Variants in FYB2 observed in about 807,000 individuals in gnomAD.
The protein encoded by FYB2 is FYN binding protein 2, also known as FYN-binding protein 2.
A neutral mutation model predicts 94.1 loss-of-function variants in FYB2; 103 were observed. The ratio of observed to expected loss-of-function variants is 1.09; its 90% confidence interval spans 0.93 to 1.29. The LOEUF (loss-of-function observed/expected upper bound fraction) is 1.29, where lower values mean the gene tolerates loss of function less well. Ranked by LOEUF, FYB2 falls within the 50% of genes most tolerant of loss-of-function variation. FYB2 has a pLI of 0.00. For synonymous variants in FYB2, 293 were observed against 287.9 expected (o/e 1.02, Z -0.18); for missense variants, 896 against 841.5 (o/e 1.06, Z -0.80).
chr1:56,797,628 C>T (rs1646429821), intron 1 of FYB2, among the ~76,000 whole-genome samples: 1 of 152,162 alleles, frequency 6.6e-6, no homozygotes, highest in African/African-American at 2.4e-5. Context: ...GCAGCTGTGG[C>T]AGAGGTTCCT....
intron 5 of FYB2, among the ~76,000 whole-genome samples, chr1:56,762,681 T>G (rs1645527021): frequency 6.6e-6 from 1 of 152,248 alleles, no homozygotes; most frequent in Non-Finnish European, 1.5e-5. Context: ...CATGCCACTG[T>G]GAATAGATAG....
chr1:56,778,782 C>T (rs1424313002), intron 4 of FYB2, among the ~76,000 whole-genome samples: 1 of 152,160 alleles, frequency 6.6e-6, no homozygotes, highest in Non-Finnish European at 1.5e-5. Context: ...CAGCATATAT[C>T]ATTGCCTCAT....
chr1:56,752,875 C>A (rs1645232994), intron 8 of FYB2, among the ~76,000 whole-genome samples: 2 of 152,136 alleles, frequency 1.3e-5, no homozygotes, highest in Non-Finnish European at 2.9e-5. Flanking sequence ...CTCCTGCCCT[C>A]TCATATGCTC....
At chr1:56,721,060 T>C (rs752847537) in intron 17 of FYB2, among the ~76,000 whole-genome samples, 11 of 152,092 alleles carry the variant, frequency 7.2e-5, no homozygotes, top group Admixed American at 3.3e-4. Flanking sequence ...CTGTATCCAG[T>C]TGGGGGCAAT....
Position 56,810,412 on chromosome 1 carries a change from G to A in FYB2, c.9+8870C>T, listed in dbSNP as rs978319743. Among the ~76,000 whole-genome samples, 10 of 151,794 alleles carry A rather than the reference G, an allele frequency of 6.6e-5. 1 individual carries two copies. The highest frequency in any genetic ancestry group is 1.3e-4 in the Non-Finnish European group (9 of 67,988). ...TCCCCTCACTCCCCTGTTTCCCACC[G>A]AGGCAGCTAACAATGCTAGTACAGA... On this transcript the variant is annotated intron_variant, in intron 1 of 19. Coordinates refer to ENST00000343433, the MANE Select transcript of FYB2 (RefSeq NM_001004303.5).
chr1:56,799,981 A>C (rs574201651), intron 1 of FYB2, among the ~76,000 whole-genome samples: 3 of 152,208 alleles, frequency 2.0e-5, no homozygotes, highest in Non-Finnish European at 4.4e-5. Flanking sequence ...CACATTTCCT[A>C]ATTGGAAAAT....
At chr1:56,784,532 A>T (rs180895713) in intron 4 of FYB2, among the ~76,000 whole-genome samples, 1 of 152,186 alleles carries the variant, frequency 6.6e-6, no homozygotes, top group Admixed American at 6.5e-5. Context: ...TACTTGTTCA[A>T]ACTCACTTAT....
chr1:56,764,244 G>A lies in FYB2; in HGVS notation c.1063+3585C>T, dbSNP rs956577085. Among the ~76,000 whole-genome samples, 5 of 152,024 alleles carry A rather than the reference G, an allele frequency of 3.3e-5. 1 individual carries two copies. In the South Asian group the frequency reaches 6.2e-4, roughly 19 times the overall value. Reference sequence around the variant, plus strand: ...GCTGGGATTACAGGTGTGAGGCACCGCTCCTGACCCATATTATGTCTTTTG... The same window carrying A: ...GCTGGGATTACAGGTGTGAGGCACCACTCCTGACCCATATTATGTCTTTTG... On this transcript the variant is annotated intron_variant, in intron 5 of 19. Transcript: ENST00000343433.
chr1:56,817,946 G>A (rs1257114745), intron 1 of FYB2, among the ~76,000 whole-genome samples: 1 of 152,180 alleles, frequency 6.6e-6, no homozygotes, highest in African/African-American at 2.4e-5. Context: ...ATGATACTGA[G>A]CAAGTGATAA....
At chr1:56,804,460 C>G (rs1177896527) in intron 1 of FYB2, among the ~76,000 whole-genome samples, 1 of 152,184 alleles carries the variant, frequency 6.6e-6, no homozygotes, top group African/African-American at 2.4e-5. Flanking sequence ...TGCAGTGGCT[C>G]ATGCCTGTAA....
chr1:56,727,188 A>C (rs1644601839), intron 15 of FYB2, among the ~76,000 whole-genome samples: 1 of 152,114 alleles, frequency 6.6e-6, no homozygotes, highest in South Asian at 2.1e-4. Flanking sequence ...ACAATCCTTT[A>C]AACTGATCAC....
In FYB2 at chr1:56,788,785, C is replaced by T. The variant is rs896568769; in HGVS notation, c.919+188G>A. 3.5e-5 allele frequency: 26 copies of T among 733,318 alleles called. No individual in the cohort carries two copies. In the Middle Eastern group the frequency reaches 1.3e-3, roughly 38 times the overall value. 45.4% of individuals were successfully genotyped at this position (733,318 alleles called of 1,614,324 possible). ...CAGGGGAAGTGGGCTGGTCTAGGAG[C>T]GATAAAGGGCCAATTCCCACAGAGA... On this transcript the variant is annotated intron_variant, in intron 3 of 19. Transcript: ENST00000343433.
At chr1:56,795,768 G>T (rs566854208) in intron 1 of FYB2, among the ~76,000 whole-genome samples, 1 of 151,994 alleles carries the variant, frequency 6.6e-6, no homozygotes, top group Non-Finnish European at 1.5e-5. Context: ...GTACAATGTT[G>T]TTGCTTAGAT....
At chr1:56,799,915 C>T (rs11206919) in intron 1 of FYB2, among the ~76,000 whole-genome samples, 3 of 152,058 alleles carry the variant, frequency 2.0e-5, no homozygotes, top group Non-Finnish European at 4.4e-5. Context: ...TGAGTGAATG[C>T]GGTCATAAAA....
In FYB2 at chr1:56,748,015, T is replaced by C. The variant is rs1645108019; in HGVS notation, c.1387+3029A>G. Among the ~76,000 whole-genome samples the C allele has an allele frequency of 4.6e-5, 7 of 152,342 alleles. No homozygotes were observed. The South Asian group carries it at 1.5e-3, about 32-fold the overall frequency. On this transcript the variant is annotated intron_variant, in intron 9 of 19. Transcript: ENST00000343433. The stretch of plus-strand genomic sequence containing the variant: ...CTAATGACCAGTGATGATGAGCTTT[T>C]TTTCATATGTTTGTTGGCTACATAA...
upstream of FYB2, among the ~76,000 whole-genome samples, chr1:56,819,879 G>T (rs1024104056): frequency 2.6e-5 from 4 of 152,138 alleles, no homozygotes; most frequent in Admixed American, 2.6e-4. Flanking sequence ...TTAACATAAA[G>T]GAGCACCCTG....
chr1:56,778,289 T>C (rs764133130), intron 4 of FYB2, among the ~76,000 whole-genome samples: 12 of 152,220 alleles, frequency 7.9e-5, no homozygotes, highest in Non-Finnish European at 1.5e-4. Flanking sequence ...ACTTGTTGTA[T>C]ACCCTTCTCA....
In FYB2 at chr1:56,792,633, C is replaced by G. The variant is rs772431764; in HGVS notation, c.180G>C (p.Lys60Asn). 2 of 1,614,050 alleles carry G rather than the reference C, an allele frequency of 1.2e-6. No individual in the cohort carries two copies. Among genetic ancestry groups the G allele is most frequent in the Non-Finnish European group, 1.7e-6 (2 of 1,180,004 alleles). The change falls in exon 2 of 20, where the codon AAG becomes AAC. Residue 60 changes from lysine to asparagine, a missense_variant. Transcript: ENST00000343433. Reference sequence around the variant, plus strand: ...TACTGGAACAGTATGGTGTGCGCTGCTTGTGGTTGGATGAGAGGGGTTTCC... The same window carrying G: ...TACTGGAACAGTATGGTGTGCGCTGGTTGTGGTTGGATGAGAGGGGTTTCC... ...ANGKPLSSNH[K>N]QRTPYCSSSE... is the part of the protein sequence containing the mutation.
chr1:56,806,679 A>G (rs1410063546), intron 1 of FYB2, among the ~76,000 whole-genome samples: 1 of 152,202 alleles, frequency 6.6e-6, no homozygotes, highest in East Asian at 1.9e-4. Context: ...AGCAAAGTGA[A>G]AAACAAAGGG....
Sources: allele counts gnomAD v4.1 joint callset (sites outside exome capture counted in the v4.1 genomes callset), GRCh38; gene constraint gnomAD v4.1.1; transcripts MANE v1.5; gene names NCBI Gene and HGNC (gene_info 2026-07-23, HGNC 2026-07-21).